DNMBP: variants seen among roughly 807,000 people sequenced by gnomAD.
DNMBP encodes dynamin binding protein, also known as dynamin-binding protein.
In DNMBP, 87 loss-of-function variants were observed where a neutral mutation model predicts 150.0. The ratio of observed to expected loss-of-function variants is 0.58; its 90% CI spans 0.49 to 0.69. The LOEUF is 0.69. Among genes scored for constraint, DNMBP ranks in the 30% least tolerant of loss-of-function variants. The probability of loss-of-function intolerance (pLI) is 0.00; values close to 1 mark genes in which losing one functional copy is unlikely to be tolerated. For missense variants in DNMBP, 1,774 were observed against 1,949.0 expected (o/e 0.91, Z 1.69); for synonymous variants, 711 against 750.4 (o/e 0.95, Z 0.86).
In DNMBP at chr10:99,960,618, C is replaced by T. The variant is rs141776891; in HGVS notation, c.269-3413G>A. On this transcript the variant is annotated intron_variant, in intron 3 of 16. Coordinates refer to ENST00000324109, the MANE Select transcript of DNMBP (RefSeq NM_015221.4). ...GGTCAGGAGTTCAAGACTAGCCTGGCCAACATGGTGAAACCCTGTGTCTAC... is the reference window on the plus strand; with the variant it reads ...GGTCAGGAGTTCAAGACTAGCCTGGTCAACATGGTGAAACCCTGTGTCTAC... Among the ~76,000 whole-genome samples the T allele has an allele frequency of 8.9e-3, 1,356 of 152,254 alleles. 25 individuals carry two copies. The highest frequency in any genetic ancestry group is 0.031 in the African/African-American group (1,303 of 41,528).
At chr10:99,964,165 CAG>C (rs1375383939) in intron 3 of DNMBP, among the ~76,000 whole-genome samples, 1 of 106,670 alleles carries the variant, frequency 9.4e-6, no homozygotes, top group African/African-American at 3.9e-5. Flanking sequence ...TTTTTGGAGA[CAG>C]AGACTTGCTC....
intron 4 of DNMBP, among the ~76,000 whole-genome samples, chr10:99,929,077 G>A (rs1463143881): frequency 1.3e-5 from 2 of 152,140 alleles, no homozygotes; most frequent in Non-Finnish European, 2.9e-5. Flanking sequence ...CCAGGAGTTT[G>A]AGGCTGCAGT....
Position 99,962,638 on chromosome 10 carries a change from AAAAC to A in DNMBP, c.269-5437_269-5434del, listed in dbSNP as rs201217158. 1.6e-4 allele frequency among the ~76,000 whole-genome samples: 25 copies of A among 152,184 alleles called. No homozygotes were observed. The East Asian group carries it at 4.1e-3, about 25-fold the overall frequency. On this transcript the variant is annotated intron_variant, in intron 3 of 16. Transcript: ENST00000324109. Reference sequence around the variant, plus strand: ...AGAGCGAGACTCCGTCTCAAAAAAAAAAACAAACAAAAAACCACAAGTAATTTTT... The same window carrying A: ...AGAGCGAGACTCCGTCTCAAAAAAAAAAACAAAAAACCACAAGTAATTTTT...
Position 99,884,123 on chromosome 10 carries a change from G to A in DNMBP, c.3885C>T (p.Asn1295=). 6.2e-7 allele frequency: 1 copy of A among 1,614,186 alleles called. No individual in the cohort carries two copies. Among genetic ancestry groups the A allele is most frequent in the South Asian group, 1.1e-5 (1 of 91,086 alleles). Residue 1295 remains asparagine, a synonymous_variant, in exon 15 of 17, where the codon AAC becomes AAT. Transcript: ENST00000324109. ...CATCCAAGTCTTGAGCAGCATTGAAGTTCCGTTCTGCCTGGAAGAGTTTTT... is the reference window on the plus strand; with the variant it reads ...CATCCAAGTCTTGAGCAGCATTGAAATTCCGTTCTGCCTGGAAGAGTTTTT... ...PPEKLFQAER[N]FNAAQDLDVS...
At chr10:99,902,324 T>TTTTTTTTTTTC (rs2039755433) in intron 6 of DNMBP, among the ~76,000 whole-genome samples, 1 of 133,070 alleles carries the variant, frequency 7.5e-6, no homozygotes. Context: ...TTTTTTTTTT[T>TTTTTTTTTTTC]TTTGAGATGG....
At chr10:99,960,778 C>G (rs1224404971) in intron 3 of DNMBP, among the ~76,000 whole-genome samples, 1 of 152,094 alleles carries the variant, frequency 6.6e-6, no homozygotes, top group Non-Finnish European at 1.5e-5. Context: ...TGCACTCCAG[C>G]CTGTGTGACG....
At chr10:99,983,143 C>T (rs1421057420) in intron 1 of DNMBP, among the ~76,000 whole-genome samples, 1 of 152,116 alleles carries the variant, frequency 6.6e-6, no homozygotes, top group African/African-American at 2.4e-5. Flanking sequence ...GCGGAGGTTC[C>T]TTCAAAAGAA....
At chr10:99,892,861 G>T (rs1032099601) in intron 11 of DNMBP, among the ~76,000 whole-genome samples, 1 of 152,322 alleles carries the variant, frequency 6.6e-6, no homozygotes, top group South Asian at 2.1e-4. Context: ...TAAAATGCAA[G>T]TTTAAACTCT....
At chr10:99,888,641 C>G (rs2039508350) in intron 12 of DNMBP, among the ~76,000 whole-genome samples, 184 bp downstream of exon 12, 1 of 152,176 alleles carries the variant, frequency 6.6e-6, no homozygotes, top group African/African-American at 2.4e-5. Context: ...GACACAGGTC[C>G]TACATCTCCC....
chr10:99,877,397 G>A (rs370052220), intron 16 of DNMBP, 61 bp from the exon 17 acceptor site: 80 of 1,420,378 alleles, frequency 5.6e-5, no homozygotes, highest in East Asian at 9.5e-5. Flanking sequence ...CAACAGCTTC[G>A]TGCGGTGTTG....
chr10:99,916,518 A>C (rs1262273065), intron 4 of DNMBP, among the ~76,000 whole-genome samples: 2 of 152,240 alleles, frequency 1.3e-5, no homozygotes, highest in Admixed American at 6.5e-5. Context: ...ATGCAACGGT[A>C]TTCCAGGTAA....
chr10:99,882,077 G>A (rs2039375890), intron 15 of DNMBP, among the ~76,000 whole-genome samples: 1 of 152,152 alleles, frequency 6.6e-6, no homozygotes, highest in Non-Finnish European at 1.5e-5. Flanking sequence ...GCGGCCACAT[G>A]GTTGAACCTG....
chr10:99,934,511 G>T (rs1430157590), intron 4 of DNMBP, among the ~76,000 whole-genome samples: 1 of 136,114 alleles, frequency 7.3e-6, no homozygotes, highest in African/African-American at 2.8e-5. Flanking sequence ...TGGGGTGAAA[G>T]CATAAGTCTT....
intron 4 of DNMBP, chr10:99,929,622 C>A (rs1366352944): frequency 1.5e-6 from 1 of 677,834 alleles, no homozygotes; most frequent in Admixed American, 2.3e-5. Flanking sequence ...GGTTTTCTTG[C>A]TGTTTTGCAC....
rs374469305 is a variant in DNMBP at position 99,957,070 on chromosome 10, G to A, written c.404C>T (p.Ser135Phe). 1.4e-5 allele frequency: 22 copies of A among 1,614,034 alleles called. No homozygotes were observed. The highest frequency in any genetic ancestry group is 1.3e-4 in the African/African-American group (10 of 74,930). Residue 135 changes from serine (S) to phenylalanine (F), a missense_variant, in exon 4 of 17, where the codon TCC becomes TTC. Ser to Phe is a radical substitution (Grantham distance 155, BLOSUM62 -2). This residue lies in a region of DNMBP where 344 missense variants were observed against 456.6 expected (regional missense o/e 0.75). Transcript: ENST00000324109. ...CLSSQSRQWHSQSALFQIPEY... is the reference protein window; with the variant it reads ...CLSSQSRQWHFQSALFQIPEY... ...CGGAATCTGAAACAGGGCGCTCTGG[G>A]AGTGCCACTGCCGGCTCTGTGAGGA... is the stretch of plus-strand genomic sequence containing the variant.
At chr10:99,930,087 T>C (rs1431021656) in intron 4 of DNMBP, 1 of 702,950 alleles carries the variant, frequency 1.4e-6, no homozygotes, top group Non-Finnish European at 2.6e-6. Flanking sequence ...CTTATCTTCA[T>C]TGACACCATT....
At chr10:99,911,140 C>T (rs1019522467) in intron 4 of DNMBP, among the ~76,000 whole-genome samples, 2 of 152,046 alleles carry the variant, frequency 1.3e-5, no homozygotes, top group Non-Finnish European at 2.9e-5. Context: ...ACTCAGGAGG[C>T]TGAGGTGGGA....
In DNMBP at chr10:99,957,171, T is replaced by G. The variant is rs2040509648; in HGVS notation, c.303A>C (p.Ala101=). Residue 101 remains alanine (A), a synonymous_variant, in exon 4 of 17, where the codon GCA becomes GCC. Transcript: ENST00000324109. ...AGCAGCTTCGGCCCTGCAGCCAGCCTGCAGTGGGAATGCCATCGAGAATCA... is the reference window on the plus strand; with the variant it reads ...AGCAGCTTCGGCCCTGCAGCCAGCCGGCAGTGGGAATGCCATCGAGAATCA... ...DLVILDGIPT[A]GWLQGRSCWG... is the part of the protein sequence containing the mutation. 6.2e-7 allele frequency: 1 copy of G among 1,607,300 alleles called. No homozygotes were observed. Among genetic ancestry groups the G allele is most frequent in the Non-Finnish European group, 8.5e-7 (1 of 1,179,890 alleles).
At chr10:99,992,972 A>G (rs2040912575) in intron 1 of DNMBP, among the ~76,000 whole-genome samples, 1 of 152,176 alleles carries the variant, frequency 6.6e-6, no homozygotes, top group African/African-American at 2.4e-5. Flanking sequence ...TGAGCCCAGG[A>G]GGTCAAGGCT....
Sources: allele counts gnomAD v4.1 joint callset (sites outside exome capture counted in the v4.1 genomes callset), GRCh38; gene constraint gnomAD v4.1.1; regional missense constraint gnomAD v4.1.1; transcripts MANE v1.5; gene names NCBI Gene and HGNC (gene_info 2026-07-23, HGNC 2026-07-21).